BICC1: variants seen among roughly 807,000 people sequenced by gnomAD.
BICC1 encodes the protein protein bicaudal C homolog 1.
Under a neutral mutation model 111.0 loss-of-function variants are expected in BICC1, and 43 were observed. That is an observed-to-expected ratio of 0.39 (90% CI 0.30 to 0.50). The LOEUF is 0.50. BICC1 is among the 20% of genes least tolerant of loss of function. The pLI is 0.88. For missense variants in BICC1, 1,091 were observed against 1,203.2 expected (o/e 0.91, Z 1.38); for synonymous variants, 467 against 434.4 (o/e 1.07, Z -0.93).
chr10:58,682,002 G>T (rs571466673), intron 2 of BICC1, among the ~76,000 whole-genome samples: 1 of 150,564 alleles, frequency 6.6e-6, no homozygotes, highest in South Asian at 2.1e-4. Context: ...TTCTCCTAAT[G>T]CTATCCCTCC....
chr10:58,537,815 G>A (rs1015155500), intron 1 of BICC1, among the ~76,000 whole-genome samples: 1 of 151,704 alleles, frequency 6.6e-6, no homozygotes, highest in Non-Finnish European at 1.5e-5. Flanking sequence ...TAAATCAGTA[G>A]CAATGCTATA....
chr10:58,782,320 T>TA (rs1842903923), intron 3 of BICC1, among the ~76,000 whole-genome samples: 1 of 152,184 alleles, frequency 6.6e-6, no homozygotes. Context: ...ACTCAAAACT[T>TA]ACTGTTAATT....
intron 16 of BICC1, 141 bp downstream of exon 16, chr10:58,806,764 G>A: frequency 3.6e-6 from 3 of 830,774 alleles, no homozygotes; most frequent in Non-Finnish European, 3.8e-6. Flanking sequence ...CATACATTCT[G>A]TTGAATATAT....
rs1033825553 is a variant in BICC1 at position 58,806,716 on chromosome 10, C to A, written c.2221+93C>A. On this transcript the variant is annotated intron_variant, in intron 16 of 20. Transcript: ENST00000373886. ...TCATGGTGAATCGAGAACTTGAAAA[C>A]TCAGAAAAAGAAACCTAGAATATTT... 12 of 1,161,276 alleles carry A rather than the reference C, an allele frequency of 1.0e-5. No homozygotes were observed. In the African/African-American group the frequency reaches 1.9e-4, roughly 18 times the overall value. The allele number at this position is 1,161,276 out of a possible 1,614,324, so 71.9% of individuals were successfully genotyped here.
At chr10:58,825,120 T>C (rs1443140595) in intron 20 of BICC1, among the ~76,000 whole-genome samples, 21 of 152,152 alleles carry the variant, frequency 1.4e-4, no homozygotes, top group Admixed American at 1.4e-3. Flanking sequence ...TTTTCTAAGC[T>C]GATATGATTT....
rs536455758 is a variant in BICC1, at chr10:58,539,750, CAG to C, written c.190+26420_190+26421del. On this transcript the variant is annotated intron_variant, in intron 1 of 20. Transcript: ENST00000373886. ...ACCAGACAGAATATTAGTAGAGAAA[CAG>C]AGCACTTGAATAATGCTATAGACCA... is the stretch of plus-strand genomic sequence containing the variant. 2.3e-4 allele frequency among the ~76,000 whole-genome samples: 35 copies of C among 151,904 alleles called. 1 individual carries two copies. The South Asian group carries it at 7.1e-3, about 31-fold the overall frequency.
intron 1 of BICC1, among the ~76,000 whole-genome samples, chr10:58,566,341 C>T: frequency 6.6e-6 from 1 of 151,928 alleles, no homozygotes; most frequent in Non-Finnish European, 1.5e-5. Flanking sequence ...TATATATATA[C>T]ATACACATAT....
chr10:58,670,937 AC>A (rs1187551157), intron 2 of BICC1, among the ~76,000 whole-genome samples: 1 of 152,130 alleles, frequency 6.6e-6, no homozygotes, highest in Non-Finnish European at 1.5e-5. Context: ...AAGAAGCCTC[AC>A]CCCATAGAGC....
At chr10:58,624,739 A>T (rs1255231111) in intron 2 of BICC1, among the ~76,000 whole-genome samples, 1 of 152,056 alleles carries the variant, frequency 6.6e-6, no homozygotes, top group Admixed American at 6.5e-5. Context: ...GATTACAGGC[A>T]TGCGCCACCA....
intron 1 of BICC1, among the ~76,000 whole-genome samples, chr10:58,518,592 G>GTT (rs753121626): frequency 0.48 from 36,956 of 76,638 alleles, 6,623 homozygotes; most frequent in African/African-American, 0.57. Context: ...GTGTGTGTTG[G>GTT]GGGGGGGGGG....
intron 1 of BICC1, among the ~76,000 whole-genome samples, chr10:58,561,806 A>C (rs1843612058): frequency 6.6e-6 from 1 of 152,092 alleles, no homozygotes; most frequent in Non-Finnish European, 1.5e-5. Flanking sequence ...CTTTCTTATA[A>C]GGTTGCTCTA....
intron 1 of BICC1, among the ~76,000 whole-genome samples, chr10:58,579,695 CCTA>C (rs772469620): frequency 1.3e-5 from 2 of 152,096 alleles, no homozygotes; most frequent in Admixed American, 6.5e-5. Context: ...TTTTTTCTCT[CCTA>C]CTGCTGAGCC....
intron 3 of BICC1, among the ~76,000 whole-genome samples, chr10:58,709,149 G>A (rs1020387432): frequency 2.0e-5 from 3 of 151,996 alleles, no homozygotes; most frequent in Non-Finnish European, 2.9e-5. Context: ...AGAACACTAG[G>A]ATTTATTCTT....
At chr10:58,720,036 C>T (rs925482456) in intron 3 of BICC1, among the ~76,000 whole-genome samples, 4 of 152,178 alleles carry the variant, frequency 2.6e-5, no homozygotes, top group Non-Finnish European at 5.9e-5. Context: ...ATGATTGCTG[C>T]TTCTTTACCG....
At chr10:58,704,950 A>G (rs1840346891) in intron 3 of BICC1, among the ~76,000 whole-genome samples, 1 of 152,190 alleles carries the variant, frequency 6.6e-6, no homozygotes, top group Admixed American at 6.5e-5. Context: ...TGTTTCCTAA[A>G]TTAGCTTCCA....
intron 2 of BICC1, among the ~76,000 whole-genome samples, chr10:58,636,809 A>G (rs1050240742): frequency 9.2e-5 from 14 of 152,196 alleles, no homozygotes; most frequent in African/African-American, 3.4e-4. Context: ...GAAAATGGGG[A>G]TAATTCCTCA....
chr10:58,591,578 T>C (rs1844619858), intron 1 of BICC1, among the ~76,000 whole-genome samples: 1 of 152,208 alleles, frequency 6.6e-6, no homozygotes, highest in Non-Finnish European at 1.5e-5. Context: ...ACCCCACCTA[T>C]TGATAAGTAT....
chr10:58,683,948 G>C (rs1839624356), intron 2 of BICC1, among the ~76,000 whole-genome samples: 1 of 152,274 alleles, frequency 6.6e-6, no homozygotes, highest in Non-Finnish European at 1.5e-5. Flanking sequence ...TCCCTGTCTT[G>C]TGCCAGTTTT....
intron 3 of BICC1, among the ~76,000 whole-genome samples, chr10:58,724,759 G>C (rs904921183): frequency 1.3e-5 from 2 of 152,232 alleles, no homozygotes; most frequent in Non-Finnish European, 2.9e-5. Flanking sequence ...GCAGTCACCA[G>C]AACACATCTG....
Sources: allele counts gnomAD v4.1 joint callset (sites outside exome capture counted in the v4.1 genomes callset), GRCh38; gene constraint gnomAD v4.1.1; transcripts MANE v1.5; gene names NCBI Gene and HGNC (gene_info 2026-07-23, HGNC 2026-07-21).